The following ADAMTS18 variants were observed in gnomAD, a reference collection of about 807,000 sequenced individuals.
ADAMTS18 encodes A disintegrin and metalloproteinase with thrombospondin motifs 18.
Under a neutral mutation model 165.9 loss-of-function variants are expected in ADAMTS18, and 157 were observed. That is an observed-to-expected ratio of 0.95 (90% confidence interval 0.83 to 1.08). The LOEUF (loss-of-function observed/expected upper bound fraction) is 1.08, where lower values mean the gene tolerates loss of function less well. Ranked by LOEUF, ADAMTS18 falls within the 50% of genes least tolerant of loss-of-function variation. The probability of loss-of-function intolerance (pLI) is 0.00; values close to 1 mark genes in which losing one functional copy is unlikely to be tolerated. For missense variants in ADAMTS18, 2,040 were observed against 1,534.0 expected (o/e 1.33, Z -5.51); for synonymous variants, 782 against 578.2 (o/e 1.35, Z -5.06).
At chr16:77,329,791 A>G (rs2056158042) in intron 12 of ADAMTS18, among the ~76,000 whole-genome samples, 1 of 152,182 alleles carries the variant, frequency 6.6e-6, no homozygotes, top group African/African-American at 2.4e-5. Flanking sequence ...AGACAATTCT[A>G]TCATGATATG....
intron 3 of ADAMTS18, among the ~76,000 whole-genome samples, chr16:77,411,754 T>A (rs1476770625): frequency 1.4e-5 from 2 of 142,538 alleles, no homozygotes; most frequent in Middle Eastern, 4.2e-3. Flanking sequence ...TGGCGCAATC[T>A]TGGCTCACTG....
intron 16 of ADAMTS18, among the ~76,000 whole-genome samples, chr16:77,314,188 G>A (rs1466042328): frequency 1.3e-5 from 2 of 152,144 alleles, no homozygotes; most frequent in African/African-American, 4.8e-5. Context: ...GGAAGATGAT[G>A]GGAGTTAACT....
rs376505941 is a variant in ADAMTS18, at chr16:77,334,891, A to G, written c.1859+865T>C. Among the ~76,000 whole-genome samples the G allele has an allele frequency of 1.1e-3, 150 of 133,462 alleles. 3 individuals are homozygous for G. In the East Asian group the frequency reaches 0.026, roughly 23 times the overall value. 87.6% of individuals were successfully genotyped at this position (133,462 alleles called of 152,430 possible). ...CAGTATATGCACTATATATTATAAT[A>G]TACAGTATATATACTGTACATTATA... On this transcript the variant is annotated intron_variant, in intron 12 of 22. Coordinates refer to ENST00000282849, the MANE Select transcript of ADAMTS18 (RefSeq NM_199355.4).
At chr16:77,331,893 A>T (rs2562110) in intron 12 of ADAMTS18, among the ~76,000 whole-genome samples, 77,015 of 152,006 alleles carry the variant, frequency 0.51, 19,920 homozygotes, top group Non-Finnish European at 0.55. Flanking sequence ...TTGGGGAAAA[A>T]ATAGAATTTT....
chr16:77,394,690 C>T (rs556948296), intron 3 of ADAMTS18, among the ~76,000 whole-genome samples: 4 of 152,244 alleles, frequency 2.6e-5, no homozygotes, highest in East Asian at 1.9e-4. Context: ...TGACTTACCA[C>T]GAAAATTTCA....
At chr16:77,334,793 T>C (rs1409070989) in intron 12 of ADAMTS18, among the ~76,000 whole-genome samples, 25 of 21,972 alleles carry the variant, frequency 1.1e-3, no homozygotes, top group Non-Finnish European at 7.7e-5. Context: ...ACAGTAAATA[T>C]ACTATATACT....
At chr16:77,413,100 C>T (rs1029517192) in intron 3 of ADAMTS18, among the ~76,000 whole-genome samples, 1 of 152,120 alleles carries the variant, frequency 6.6e-6, no homozygotes, top group Non-Finnish European at 1.5e-5. Context: ...CTAATATGCA[C>T]CCATTCATGC....
intron 18 of ADAMTS18, 113 bp downstream of exon 18, chr16:77,297,176 C>T: frequency 2.0e-6 from 3 of 1,465,898 alleles, no homozygotes; most frequent in Non-Finnish European, 2.9e-6. Flanking sequence ...ATTGCGTCTA[C>T]CTTTGAATCA....
At chr16:77,408,681 G>C (rs912972790) in intron 3 of ADAMTS18, among the ~76,000 whole-genome samples, 2 of 152,166 alleles carry the variant, frequency 1.3e-5, no homozygotes, top group African/African-American at 4.8e-5. Context: ...AGTCATGGTA[G>C]CAATTATGTC....
chr16:77,334,741 A>AC, intron 12 of ADAMTS18, among the ~76,000 whole-genome samples: 1 of 115,012 alleles, frequency 8.7e-6, no homozygotes, highest in East Asian at 2.5e-4. Context: ...ACTATAGTAT[A>AC]TATACTGTAT....
At position 77,434,761 on chromosome 16, in the gene ADAMTS18, C is replaced by T; in HGVS notation, c.-66G>A. The stretch of plus-strand genomic sequence containing the variant: ...GCAGGCGGAGCGCACGGGCGGCGCG[C>T]ATTCTTTCCGCGGCCCCGGAGCTCG... On this transcript the variant is annotated 5_prime_UTR_variant, in exon 1 of 23. An upstream start codon of the reference 5' UTR is lost. Coordinates refer to ENST00000282849, the MANE Select transcript of ADAMTS18 (RefSeq NM_199355.4). 2.3e-6 allele frequency: 3 copies of T among 1,297,418 alleles called. No individual in the cohort carries two copies. The highest frequency in any genetic ancestry group is 3.0e-6 in the Non-Finnish European group (3 of 1,010,220). 80.4% of individuals were successfully genotyped at this position (1,297,418 alleles called of 1,614,324 possible).
intron 3 of ADAMTS18, among the ~76,000 whole-genome samples, chr16:77,396,271 T>C (rs1471529548): frequency 6.6e-6 from 1 of 152,158 alleles, no homozygotes; most frequent in Non-Finnish European, 1.5e-5. Context: ...GCAAGGGAAG[T>C]CAAAAGGTTA....
At chr16:77,321,519 C>A (rs2055998348) in intron 14 of ADAMTS18, among the ~76,000 whole-genome samples, 1 of 152,100 alleles carries the variant, frequency 6.6e-6, no homozygotes, top group Admixed American at 6.6e-5. Flanking sequence ...TATGAAAATG[C>A]TGGACAATAC....
intron 3 of ADAMTS18, among the ~76,000 whole-genome samples, chr16:77,397,767 T>A (rs971388170): frequency 6.6e-6 from 1 of 152,250 alleles, no homozygotes; most frequent in African/African-American, 2.4e-5. Context: ...TTTCACATCA[T>A]ATCCAGATGT....
chr16:77,288,681 A>G (rs902463400), intron 22 of ADAMTS18, among the ~76,000 whole-genome samples: 1 of 152,190 alleles, frequency 6.6e-6, no homozygotes, highest in Non-Finnish European at 1.5e-5. Flanking sequence ...TATATGGATT[A>G]TAGTTGTCTC....
At position 77,367,586 on chromosome 16, in the gene ADAMTS18, G is replaced by C. The variant is rs765104436; in HGVS notation, c.633C>G (p.Ile211Met). 2 of 1,614,078 alleles carry C rather than the reference G, an allele frequency of 1.2e-6. No individual in the cohort carries two copies. Among genetic ancestry groups the C allele is most frequent in the African/African-American group, 1.3e-5 (1 of 74,932 alleles). The stretch of plus-strand genomic sequence containing the variant: ...AGCCGGGGTAGCCACGGTACCGCTG[G>C]ATCTTCTCCTCTGCTGTCCTTTTGT... ...VLYKRTAEEKIQRYRGYPGSG... is the reference protein window; with the variant it reads ...VLYKRTAEEKMQRYRGYPGSG... Residue 211 changes from isoleucine (I) to methionine (M), a missense_variant, in exon 4 of 23, where the codon ATC (isoleucine) becomes ATG (methionine). Transcript: ENST00000282849.
intron 16 of ADAMTS18, among the ~76,000 whole-genome samples, chr16:77,311,874 G>A (rs1292715331): frequency 1.3e-5 from 2 of 152,106 alleles, no homozygotes; most frequent in African/African-American, 4.8e-5. Flanking sequence ...GGTAGAATGA[G>A]TGCATAAAGA....
intron 3 of ADAMTS18, among the ~76,000 whole-genome samples, chr16:77,399,256 G>C (rs566934933): frequency 1.3e-5 from 2 of 152,176 alleles, no homozygotes; most frequent in Non-Finnish European, 2.9e-5. Context: ...AGTAAGGCTA[G>C]GTACCACTTC....
rs199903986 is a variant in ADAMTS18, at chr16:77,404,181, CA to C, written c.495+27113del. On this transcript the variant is annotated intron_variant, in intron 3 of 22. Coordinates refer to ENST00000282849, the MANE Select transcript of ADAMTS18 (RefSeq NM_199355.4). ...GGAGGAAGAGGAGGAGGTGGAGGAG[CA>C]AAAAAACGTGAATGAATAAATCAAG... is the stretch of plus-strand genomic sequence containing the variant. 4.4e-3 allele frequency among the ~76,000 whole-genome samples: 666 copies of C among 151,942 alleles called. 5 individuals are homozygous for C. The highest frequency in any genetic ancestry group is 0.015 in the African/African-American group (630 of 41,462).
Sources: gnomAD v4.1 joint callset for allele counts (sites outside exome capture counted in the v4.1 genomes callset) on GRCh38, gnomAD v4.1.1 for gene constraint, MANE v1.5 for transcripts, NCBI Gene and HGNC (gene_info 2026-07-23, HGNC 2026-07-21) for gene names.